SYNDIG1L: variants seen among roughly 807,000 people sequenced by gnomAD.
The protein encoded by SYNDIG1L is synapse differentiation-inducing gene protein 1-like.
Under a neutral mutation model 20.1 loss-of-function variants are expected in SYNDIG1L, and 13 were observed. The observed-to-expected ratio is 0.65, with a 90% confidence interval of 0.42 to 1.03. The LOEUF (loss-of-function observed/expected upper bound fraction) is 1.03. SYNDIG1L is among the 50% of genes least tolerant of loss of function. The pLI, the probability that SYNDIG1L is intolerant of heterozygous loss-of-function variation, is 0.00. For synonymous variants in SYNDIG1L, 128 were observed against 129.3 expected (o/e 0.99, Z 0.07); for missense variants, 294 against 305.1 (o/e 0.96, Z 0.27).
the SYNDIG1L span, among the ~76,000 whole-genome samples, chr14:74,462,504 C>T: frequency 6.6e-6 from 1 of 151,826 alleles, no homozygotes; most frequent in Non-Finnish European, 1.5e-5. Flanking sequence ...AAAAAGTAGG[C>T]TAGGCTAAGC....
intron 1 of SYNDIG1L, among the ~76,000 whole-genome samples, chr14:74,413,784 A>G (rs1266299170): frequency 6.6e-6 from 1 of 151,948 alleles, no homozygotes; most frequent in African/African-American, 2.4e-5. Context: ...ACTCACACAC[A>G]CACACACACA....
chr14:74,408,104 G>C, intron 2 of SYNDIG1L, 115 bp from the exon 3 acceptor site: 1 of 1,300,620 alleles, frequency 7.7e-7, no homozygotes, highest in South Asian at 1.6e-5. Context: ...GCAACAAGCA[G>C]TCTCTTCTGC....
chr14:74,452,477 G>T, the SYNDIG1L span, among the ~76,000 whole-genome samples: 1 of 152,198 alleles, frequency 6.6e-6, no homozygotes, highest in African/African-American at 2.4e-5. Flanking sequence ...CCCTGCACAA[G>T]TTCTCTCTCT....
intron 1 of SYNDIG1L, among the ~76,000 whole-genome samples, chr14:74,423,802 G>A (rs2086243550): frequency 6.6e-6 from 1 of 151,920 alleles, no homozygotes; most frequent in Non-Finnish European, 1.5e-5. Flanking sequence ...TCATAGCCAG[G>A]CAGGGTCCCT....
At chr14:74,431,249 G>A in the SYNDIG1L span, among the ~76,000 whole-genome samples, 5 of 152,252 alleles carry the variant, frequency 3.3e-5, no homozygotes, top group African/African-American at 1.2e-4. Flanking sequence ...GTGTGTGTGT[G>A]TATATGTAAG....
the SYNDIG1L span, among the ~76,000 whole-genome samples, chr14:74,473,124 G>A: frequency 6.6e-6 from 1 of 152,174 alleles, no homozygotes; most frequent in Admixed American, 6.5e-5. Context: ...GCTCATGCTT[G>A]TAATCTCAGC....
intron 1 of SYNDIG1L, among the ~76,000 whole-genome samples, chr14:74,413,630 ACTT>A (rs2086150923): frequency 6.6e-6 from 1 of 151,484 alleles, no homozygotes; most frequent in Non-Finnish European, 1.5e-5. Flanking sequence ...AGCATGTACT[ACTT>A]TTAAACCAGA....
chr14:74,434,999 A>C, the SYNDIG1L span, among the ~76,000 whole-genome samples: 1 of 135,376 alleles, frequency 7.4e-6, no homozygotes, highest in African/African-American at 2.8e-5. Flanking sequence ...AGGAGAATGG[A>C]GTGAACCCAG....
At chr14:74,478,318 C>A in the SYNDIG1L span, among the ~76,000 whole-genome samples, 238 of 152,128 alleles carry the variant, frequency 1.6e-3, no homozygotes, top group African/African-American at 5.3e-3. Flanking sequence ...ACAAAGAATG[C>A]AAGTTATAAA....
intron 1 of SYNDIG1L, among the ~76,000 whole-genome samples, chr14:74,419,056 T>C (rs2086200365): frequency 6.6e-6 from 1 of 152,184 alleles, no homozygotes; most frequent in African/African-American, 2.4e-5. Flanking sequence ...ATTCCCCCTT[T>C]CGGCTCATGT....
chr14:74,406,577 G>A lies in SYNDIG1L; in HGVS notation c.*958C>T, dbSNP rs2086081436. 1 of 152,512 alleles carries A rather than the reference G, an allele frequency of 6.6e-6. No individual in the cohort carries two copies. The highest frequency in any genetic ancestry group is 2.4e-5 in the African/African-American group (1 of 41,428). 9.4% of individuals were successfully genotyped at this position (152,512 alleles called of 1,614,324 possible). A position where few individuals can be genotyped will look rare whatever the true frequency, so the allele number is the denominator to read the frequency against. On this transcript the variant is annotated 3_prime_UTR_variant, in exon 4 of 4. Coordinates refer to ENST00000331628, the MANE Select transcript of SYNDIG1L (RefSeq NM_001105579.2). Reference sequence around the variant, plus strand: ...CTACTCAGCAGGCCATTCCTTCCCTGAGTCCCTTCCCTCATCTATACTCAC... The same window carrying A: ...CTACTCAGCAGGCCATTCCTTCCCTAAGTCCCTTCCCTCATCTATACTCAC...
chr14:74,449,126 C>T, the SYNDIG1L span, among the ~76,000 whole-genome samples: 52 of 151,274 alleles, frequency 3.4e-4, no homozygotes, highest in African/African-American at 6.3e-4. Context: ...TCAGCTACTT[C>T]GGAGGCTGAA....
At chr14:74,476,420 A>G in the SYNDIG1L span, 2 of 943,124 alleles carry the variant, frequency 2.1e-6, no homozygotes, top group South Asian at 1.4e-5. Flanking sequence ...TTTGTGGAGG[A>G]CGGCCTGCTA....
upstream of SYNDIG1L, among the ~76,000 whole-genome samples, chr14:74,430,610 A>G (rs2086295950): frequency 6.6e-6 from 1 of 151,950 alleles, no homozygotes; most frequent in Non-Finnish European, 1.5e-5. Flanking sequence ...TAATTTTTGT[A>G]TTTTTAGTAG....
chr14:74,448,711 G>A, the SYNDIG1L span, among the ~76,000 whole-genome samples: 8 of 152,150 alleles, frequency 5.3e-5, no homozygotes, highest in East Asian at 1.5e-3. Context: ...TTATTATTAT[G>A]AAATGGAATA....
the SYNDIG1L span, among the ~76,000 whole-genome samples, chr14:74,434,275 T>C: frequency 6.6e-6 from 1 of 152,152 alleles, no homozygotes; most frequent in South Asian, 2.1e-4. Flanking sequence ...GAGTGAATGA[T>C]TGCTGCATTG....
chr14:74,407,876 G>A lies in SYNDIG1L; in HGVS notation c.531C>T (p.Gly177=), dbSNP rs2086096894. The change falls in exon 3 of 4, where the codon GGC becomes GGT. Residue 177 remains glycine, a synonymous_variant. Coordinates refer to ENST00000331628, the MANE Select transcript of SYNDIG1L (RefSeq NM_001105579.2). ...CCTGGGAGAAGTAGAAGGCAGCAAT[G>A]CCCAGTGGCCAGAAGCAGCAGAGCA... ...FSMLCCFWPL[G]IAAFYFSQGT... The A allele has an allele frequency of 6.2e-7, 1 of 1,613,808 alleles. No homozygotes were observed. Among genetic ancestry groups the A allele is most frequent in the African/African-American group, 1.3e-5 (1 of 75,030 alleles).
At chr14:74,479,885 C>T in the SYNDIG1L span, 2 of 973,348 alleles carry the variant, frequency 2.1e-6, no homozygotes, top group Non-Finnish European at 2.7e-6. Flanking sequence ...GGCCTGCCTT[C>T]CATGGTTCTA....
the SYNDIG1L span, among the ~76,000 whole-genome samples, chr14:74,472,745 A>G: frequency 2.2e-4 from 34 of 152,174 alleles, no homozygotes; most frequent in Non-Finnish European, 5.0e-4. Flanking sequence ...AGTAGGAGTT[A>G]ACTAAATGAA....
Sources: allele counts gnomAD v4.1 joint callset (sites outside exome capture counted in the v4.1 genomes callset), GRCh38; gene constraint gnomAD v4.1.1; transcripts MANE v1.5; gene names NCBI Gene and HGNC (gene_info 2026-07-23, HGNC 2026-07-21).